NCAM2: variants seen among roughly 807,000 people sequenced by gnomAD.
NCAM2 encodes N-CAM-2.
In NCAM2, 30 loss-of-function variants were observed where a neutral mutation model predicts 98.1. The observed-to-expected ratio is 0.31, with a 90% CI of 0.23 to 0.41. The LOEUF (loss-of-function observed/expected upper bound fraction) is 0.41. Among genes scored for constraint, NCAM2 ranks in the 10% least tolerant of loss-of-function variants. The pLI is 1.00. For missense variants in NCAM2, 867 were observed against 1,005.8 expected, an observed-to-expected ratio of 0.86 and a Z score of 1.87; for synonymous variants, 368 against 342.4, an observed-to-expected ratio of 1.07 and a Z score of -0.83.
chr21:21,257,081 G>T (rs563634446), intron 1 of NCAM2, among the ~76,000 whole-genome samples: 2 of 152,304 alleles, frequency 1.3e-5, no homozygotes, highest in East Asian at 3.9e-4. Flanking sequence ...AGGAAGCATT[G>T]TTCTGGGCTT....
chr21:21,197,815 C>A (rs909076700), intron 1 of NCAM2, among the ~76,000 whole-genome samples: 3 of 152,130 alleles, frequency 2.0e-5, no homozygotes, highest in Non-Finnish European at 2.9e-5. Context: ...TAGGCAACTA[C>A]TGAGGGGGTT....
At chr21:21,453,238 G>T (rs1981605413) in intron 12 of NCAM2, among the ~76,000 whole-genome samples, 1 of 150,296 alleles carries the variant, frequency 6.7e-6, no homozygotes, top group Non-Finnish European at 1.5e-5. Context: ...TGTAAGTGGG[G>T]GTGGGAATGG....
At chr21:21,378,672 A>G (rs1568997580) in intron 9 of NCAM2, among the ~76,000 whole-genome samples, 1 of 152,092 alleles carries the variant, frequency 6.6e-6, no homozygotes, top group African/African-American at 2.4e-5. Context: ...ATATGTGTGC[A>G]TCAATAATTT....
chr21:21,442,066 T>C (rs992905679), intron 12 of NCAM2, among the ~76,000 whole-genome samples: 1 of 152,176 alleles, frequency 6.6e-6, no homozygotes, highest in Non-Finnish European at 1.5e-5. Context: ...AGCACTGATA[T>C]AACACATTGT....
intron 11 of NCAM2, among the ~76,000 whole-genome samples, chr21:21,426,131 A>G (rs1416665074): frequency 6.6e-6 from 1 of 152,126 alleles, no homozygotes; most frequent in Non-Finnish European, 1.5e-5. Context: ...TCATGACTTT[A>G]TCACATCCCA....
intron 1 of NCAM2, among the ~76,000 whole-genome samples, chr21:21,112,198 T>A (rs1479162451): frequency 2.0e-5 from 3 of 152,182 alleles, no homozygotes; most frequent in African/African-American, 7.2e-5. Flanking sequence ...TCTATAGTGA[T>A]TCATTGTGTT....
chr21:21,225,234 C>A (rs2050190209), intron 1 of NCAM2, among the ~76,000 whole-genome samples: 2 of 151,934 alleles, frequency 1.3e-5, no homozygotes, highest in Admixed American at 6.6e-5. Context: ...GGGCGGGGAA[C>A]AACACACACT....
At chr21:21,387,814 A>T (rs1266779732) in intron 9 of NCAM2, among the ~76,000 whole-genome samples, 2 of 152,214 alleles carry the variant, frequency 1.3e-5, no homozygotes, top group African/African-American at 4.8e-5. Context: ...TTTCATGGAC[A>T]TTGGCAAGAG....
chr21:21,286,729 C>G (rs2073116429), intron 4 of NCAM2, among the ~76,000 whole-genome samples: 1 of 151,664 alleles, frequency 6.6e-6, no homozygotes, highest in Admixed American at 6.6e-5. Context: ...AAAAAATGTA[C>G]AATCGTTAGC....
chr21:21,247,962 T>G (rs2071339590), intron 1 of NCAM2, among the ~76,000 whole-genome samples: 1 of 152,136 alleles, frequency 6.6e-6, no homozygotes, highest in African/African-American at 2.4e-5. Flanking sequence ...TAAACTGACT[T>G]TAAATTCCTG....
At chr21:21,089,111 T>A (rs1459835952) in intron 1 of NCAM2, among the ~76,000 whole-genome samples, 2 of 152,186 alleles carry the variant, frequency 1.3e-5, no homozygotes, top group Admixed American at 6.5e-5. Context: ...GTTTTTGTTT[T>A]TAGCAAATCT....
chr21:21,304,262 A>T (rs75843902), intron 5 of NCAM2, among the ~76,000 whole-genome samples: 2,817 of 151,956 alleles, frequency 0.019, 91 homozygotes, highest in East Asian at 0.15. Flanking sequence ...TAGATTTATG[A>T]TAATTTTTTC....
rs192320778 is a variant in NCAM2, at chr21:21,302,406, T to A, written c.619+10165T>A. On this transcript the variant is annotated intron_variant, in intron 5 of 17. Coordinates refer to ENST00000400546, the MANE Select transcript of NCAM2 (RefSeq NM_004540.5). ...CCCAGTGCTTGTTTTTTTGGCCTTGTTGAAGCTGAAATGATTCTAAGTGTA... is the reference window on the plus strand; with the variant it reads ...CCCAGTGCTTGTTTTTTTGGCCTTGATGAAGCTGAAATGATTCTAAGTGTA... Among the ~76,000 whole-genome samples, 438 of 152,222 alleles carry A rather than the reference T, an allele frequency of 2.9e-3. 1 individual carries two copies. Among genetic ancestry groups the A allele is most frequent in the Non-Finnish European group, 5.1e-3 (345 of 67,996 alleles).
At chr21:21,215,556 TAAAAAC>T (rs1039263231) in intron 1 of NCAM2, among the ~76,000 whole-genome samples, 1 of 151,880 alleles carries the variant, frequency 6.6e-6, no homozygotes, top group Admixed American at 6.6e-5. Context: ...TCACCTCTAC[TAAAAAC>T]AAAAACAAAA....
chr21:21,335,110 C>G (rs932498242), intron 6 of NCAM2, among the ~76,000 whole-genome samples: 5 of 151,872 alleles, frequency 3.3e-5, no homozygotes, highest in Admixed American at 2.6e-4. Context: ...AAATGTGTCC[C>G]AAGAGGGGAG....
chr21:21,272,696 T>C (rs1438446448), intron 1 of NCAM2, among the ~76,000 whole-genome samples: 1 of 152,124 alleles, frequency 6.6e-6, no homozygotes, highest in South Asian at 2.1e-4. Flanking sequence ...TTTGAGTATT[T>C]ATATTTGAGA....
At chr21:21,469,461 T>G (rs1479617886) in intron 14 of NCAM2, among the ~76,000 whole-genome samples, 2 of 151,996 alleles carry the variant, frequency 1.3e-5, no homozygotes, top group Admixed American at 1.3e-4. Flanking sequence ...ATAAGTACCT[T>G]GGAGTATTGG....
At chr21:21,162,764 A>C (rs192499178) in intron 1 of NCAM2, among the ~76,000 whole-genome samples, 17 of 152,272 alleles carry the variant, frequency 1.1e-4, no homozygotes, top group Admixed American at 3.3e-4. Flanking sequence ...CTGTAAAAAA[A>C]ACCTGTCAGA....
intron 1 of NCAM2, among the ~76,000 whole-genome samples, chr21:21,264,500 T>A (rs1360639670): frequency 6.6e-6 from 1 of 151,910 alleles, no homozygotes; most frequent in Non-Finnish European, 1.5e-5. Context: ...ATTCAGTACC[T>A]AAGCAAAGGA....
Sources: allele counts gnomAD v4.1 joint callset (sites outside exome capture counted in the v4.1 genomes callset), GRCh38; gene constraint gnomAD v4.1.1; transcripts MANE v1.5; gene names NCBI Gene and HGNC (gene_info 2026-07-23, HGNC 2026-07-21).